The following SPPL3 variants were observed in gnomAD, a reference collection of about 807,000 sequenced individuals.
SPPL3 encodes the protein signal peptide peptidase-like 3.
A neutral mutation model predicts 42.4 loss-of-function variants in SPPL3; 5 were observed. That is an observed-to-expected ratio of 0.12 (90% CI 0.06 to 0.25). SPPL3 has a LOEUF of 0.25. SPPL3 is among the 10% of genes least tolerant of loss of function. SPPL3 has a pLI of 1.00. For missense variants in SPPL3, 235 were observed against 489.0 expected, an observed-to-expected ratio of 0.48 and a Z score of 4.90; for synonymous variants, 195 against 181.8, an observed-to-expected ratio of 1.07 and a Z score of -0.58.
At chr12:120,778,557 C>G (rs556713251) in intron 6 of SPPL3, among the ~76,000 whole-genome samples, 1 of 152,090 alleles carries the variant, frequency 6.6e-6, no homozygotes, top group African/African-American at 2.4e-5. Flanking sequence ...TTATAGTCAC[C>G]CTACTCCTCC....
chr12:120,780,743 A>G (rs1869502662), intron 6 of SPPL3, among the ~76,000 whole-genome samples: 2 of 107,358 alleles, frequency 1.9e-5, no homozygotes, highest in Non-Finnish European at 2.0e-5. Flanking sequence ...ACAAAAATTA[A>G]AAAAAAAAAC....
At chr12:120,830,728 G>C (rs983860286) in intron 1 of SPPL3, among the ~76,000 whole-genome samples, 1 of 151,752 alleles carries the variant, frequency 6.6e-6, no homozygotes, top group Admixed American at 6.6e-5. Context: ...TTTCACTTTG[G>C]GTAAACATCA....
intron 1 of SPPL3, among the ~76,000 whole-genome samples, chr12:120,897,512 A>C (rs1029369842): frequency 6.6e-6 from 1 of 151,968 alleles, no homozygotes; most frequent in South Asian, 2.1e-4. Context: ...TCATGAGGTC[A>C]GGAGATCAAG....
intron 2 of SPPL3, among the ~76,000 whole-genome samples, chr12:120,807,471 C>T (rs981614638): frequency 1.1e-4 from 16 of 151,834 alleles, no homozygotes; most frequent in Non-Finnish European, 1.6e-4. Context: ...GTCAGGAGTT[C>T]GAGACCAGCC....
intron 1 of SPPL3, among the ~76,000 whole-genome samples, chr12:120,825,000 C>G (rs1334949177): frequency 6.6e-6 from 1 of 151,576 alleles, no homozygotes; most frequent in Non-Finnish European, 1.5e-5. Context: ...GGTAAACATG[C>G]CCCCCACCCC....
At chr12:120,849,648 G>A (rs1872159470) in intron 1 of SPPL3, among the ~76,000 whole-genome samples, 2 of 152,124 alleles carry the variant, frequency 1.3e-5, no homozygotes. Flanking sequence ...AAAATTTCTA[G>A]CTTCTATCAG....
intron 2 of SPPL3, among the ~76,000 whole-genome samples, chr12:120,805,362 G>C (rs947479105): frequency 5.9e-5 from 9 of 152,094 alleles, no homozygotes; most frequent in African/African-American, 1.9e-4. Flanking sequence ...CCACAAACTA[G>C]AAATAAGAGA....
At chr12:120,847,724 C>A (rs1022125964) in intron 1 of SPPL3, among the ~76,000 whole-genome samples, 2 of 152,066 alleles carry the variant, frequency 1.3e-5, no homozygotes, top group African/African-American at 4.8e-5. Flanking sequence ...AGCCACCACA[C>A]CTGGCCTTGG....
intron 1 of SPPL3, among the ~76,000 whole-genome samples, chr12:120,901,086 A>G (rs1250586018): frequency 6.6e-6 from 1 of 152,188 alleles, no homozygotes; most frequent in Non-Finnish European, 1.5e-5. Flanking sequence ...GAGTAAAATG[A>G]TGGGAGAATT....
At chr12:120,870,178 G>T (rs1443056980) in intron 1 of SPPL3, among the ~76,000 whole-genome samples, 1 of 152,238 alleles carries the variant, frequency 6.6e-6, no homozygotes, top group Admixed American at 6.5e-5. Flanking sequence ...AAGTGCAGTG[G>T]CTCATGCCTG....
chr12:120,826,611 C>T (rs1479038466), intron 1 of SPPL3, among the ~76,000 whole-genome samples: 3 of 152,110 alleles, frequency 2.0e-5, no homozygotes, highest in Admixed American at 6.5e-5. Context: ...TCTGCAAAAT[C>T]GCTCCATAAA....
chr12:120,772,641 A>C (rs978268180), intron 6 of SPPL3, among the ~76,000 whole-genome samples: 3 of 152,238 alleles, frequency 2.0e-5, no homozygotes, highest in Admixed American at 6.5e-5. Flanking sequence ...GTAAATTGTC[A>C]ATATATGTAA....
At chr12:120,817,939 G>T (rs1416728540) in intron 1 of SPPL3, among the ~76,000 whole-genome samples, 1 of 152,118 alleles carries the variant, frequency 6.6e-6, no homozygotes, top group Admixed American at 6.6e-5. Flanking sequence ...GGGATCTGGG[G>T]TAAGACTACG....
At chr12:120,771,482 C>A (rs1457417211) in intron 6 of SPPL3, among the ~76,000 whole-genome samples, 1 of 152,262 alleles carries the variant, frequency 6.6e-6, no homozygotes, top group Non-Finnish European at 1.5e-5. Context: ...GACTTTCCTG[C>A]AATTACATTT....
Position 120,886,624 on chromosome 12 carries a change from G to A in SPPL3, c.23+17221C>T, listed in dbSNP as rs1045242987. Among the ~76,000 whole-genome samples, 112 of 152,090 alleles carry A rather than the reference G, an allele frequency of 7.4e-4. 2 individuals carry two copies. Among genetic ancestry groups the A allele is most frequent in the African/African-American group, 2.5e-3 (104 of 41,404 alleles). ...CTTCCTCCTGTGAATTTAACTGCTC[G>A]CAACCAAAAATCTGAGCTATGAGGA... On this transcript the variant is annotated intron_variant, in intron 1 of 10. Transcript: ENST00000353487.
rs536276358 is a variant in SPPL3, at chr12:120,828,261, A to G, written c.24-17375T>C. 9.8e-4 allele frequency among the ~76,000 whole-genome samples: 150 copies of G among 152,360 alleles called. 2 individuals carry two copies. Among genetic ancestry groups the G allele is most frequent in the South Asian group, 5.4e-3 (26 of 4,834 alleles). Reference sequence around the variant, plus strand: ...AAGAGATCACATGGAAAATTAGAAAATATCTTGAACTGAATGAGGATGAAA... The same window carrying G: ...AAGAGATCACATGGAAAATTAGAAAGTATCTTGAACTGAATGAGGATGAAA... On this transcript the variant is annotated intron_variant, in intron 1 of 10. Transcript: ENST00000353487.
At chr12:120,779,178 G>A (rs1275762424) in intron 6 of SPPL3, among the ~76,000 whole-genome samples, 1 of 152,192 alleles carries the variant, frequency 6.6e-6, no homozygotes, top group East Asian at 1.9e-4. Flanking sequence ...TAGCCTATAA[G>A]ATCAGTACTT....
At chr12:120,876,934 A>C (rs1423427388) in intron 1 of SPPL3, among the ~76,000 whole-genome samples, 1 of 152,082 alleles carries the variant, frequency 6.6e-6, no homozygotes, top group African/African-American at 2.4e-5. Context: ...TGAAACTAAA[A>C]GCAATTCTTT....
At position 120,891,703 on chromosome 12, in the gene SPPL3, A is replaced by C. The variant is rs183754119; in HGVS notation, c.23+12142T>G. On this transcript the variant is annotated intron_variant, in intron 1 of 10. Coordinates refer to ENST00000353487, the MANE Select transcript of SPPL3 (RefSeq NM_139015.5). Reference sequence around the variant, plus strand: ...ATATTTTCACATGAGCATGTTACTGAAATTTTTTTCCCTAAGACTGTTTTG... The same window carrying C: ...ATATTTTCACATGAGCATGTTACTGCAATTTTTTTCCCTAAGACTGTTTTG... Among the ~76,000 whole-genome samples the C allele has an allele frequency of 5.3e-3, 789 of 149,918 alleles. 7 individuals are homozygous for C. The highest frequency in any genetic ancestry group is 0.018 in the African/African-American group (739 of 40,938).
Sources: allele counts gnomAD v4.1 joint callset (sites outside exome capture counted in the v4.1 genomes callset), GRCh38; gene constraint gnomAD v4.1.1; transcripts MANE v1.5; gene names NCBI Gene and HGNC (gene_info 2026-07-23, HGNC 2026-07-21).